DEAF1: variants seen among roughly 807,000 people sequenced by gnomAD.
DEAF1 encodes the protein deformed epidermal autoregulatory factor 1 homolog.
Under a neutral mutation model 58.9 loss-of-function variants are expected in DEAF1, and 53 were observed. The ratio of observed to expected loss-of-function variants is 0.90; its 90% CI spans 0.72 to 1.13. The LOEUF is 1.13. Among genes scored for constraint, DEAF1 ranks in the 50% most tolerant of loss-of-function variants. The pLI, the probability that DEAF1 is intolerant of heterozygous loss-of-function variation, is 0.00. For synonymous variants in DEAF1, 385 were observed against 340.4 expected, an observed-to-expected ratio of 1.13 and a Z score of -1.44; for missense variants, 685 against 791.4, an observed-to-expected ratio of 0.87 and a Z score of 1.61.
At chr11:651,865 G>A (rs1026406279) in intron 11 of DEAF1, among the ~76,000 whole-genome samples, 18 of 152,142 alleles carry the variant, frequency 1.2e-4, no homozygotes, top group African/African-American at 3.4e-4. Context: ...CAGCCTGGGC[G>A]ACAGAGCGAG....
intron 9 of DEAF1, among the ~76,000 whole-genome samples, chr11:676,033 CCCCCCAGCACCCGACAA>C (rs1860049858): frequency 3.6e-5 from 1 of 27,888 alleles, no homozygotes; most frequent in Non-Finnish European, 7.7e-5. Context: ...GCACCCGACA[CCCCCCAGCACCCGACAA>C]CCCCCAGCAT....
At chr11:690,960 C>G (rs181237550) in intron 2 of DEAF1, among the ~76,000 whole-genome samples, 112 of 152,312 alleles carry the variant, frequency 7.4e-4, no homozygotes, top group African/African-American at 2.6e-3. Flanking sequence ...GAAGGCCCCA[C>G]ACATAAAACA....
intron 11 of DEAF1, chr11:651,042 A>T (rs1858745164): frequency 6.5e-6 from 1 of 153,576 alleles, no homozygotes; most frequent in Non-Finnish European, 1.4e-5. Flanking sequence ...GGCTTACTGC[A>T]ACCTCCGCCT....
chr11:699,136 C>T (rs898816914), upstream of DEAF1: 4 of 496,826 alleles, frequency 8.1e-6, no homozygotes, highest in South Asian at 3.5e-5. Flanking sequence ...GCTCCCAAGG[C>T]GATGGCCACC....
intron 9 of DEAF1, among the ~76,000 whole-genome samples, chr11:675,486 G>A (rs901208801): frequency 3.3e-5 from 5 of 152,056 alleles, no homozygotes; most frequent in African/African-American, 4.8e-5. Flanking sequence ...CCATGACTGC[G>A]CCACCGTCCT....
At chr11:700,227 C>A (rs117149970) in intron 1 of DEAF1, 6 of 1,613,340 alleles carry the variant, frequency 3.7e-6, no homozygotes, top group Non-Finnish European at 5.1e-6. Flanking sequence ...CTGATGATCA[C>A]GTATAAAAGT....
At position 671,839 on chromosome 11, in the gene DEAF1, A is replaced by C. The variant is rs1210996717; in HGVS notation, c.1503+2697T>G. Among the ~76,000 whole-genome samples, 17 of 131,556 alleles carry C rather than the reference A, an allele frequency of 1.3e-4. No homozygotes were observed. The East Asian group carries it at 1.7e-3, about 13-fold the overall frequency. 86.3% of individuals were successfully genotyped at this position (131,556 alleles called of 152,430 possible). A position where few individuals can be genotyped will look rare whatever the true frequency, so the allele number is the denominator to read the frequency against. On this transcript the variant is annotated intron_variant, in intron 10 of 11. Transcript: ENST00000382409. ...GACCTTACCTCTTAAAAAAAAAAAA[A>C]AAAAAAAAAAGAAACACAAAAAACA...
rs1861582845 is a variant in DEAF1, at chr11:703,259, T to G, written c.-438+3313A>C. The stretch of plus-strand genomic sequence containing the variant: ...CAGGAAGGGCACTTTTCCTAGTGAC[T>G]GGCCATAGATGGTTTTGGATGGTTC... On this transcript the variant is annotated intron_variant, in intron 1 of 11. Coordinates refer to the DEAF1 transcript ENST00000683307. The G allele has an allele frequency of 6.2e-6, 9 of 1,450,746 alleles. No homozygotes were observed. In the South Asian group the frequency reaches 1.4e-4, roughly 22 times the overall value. The allele number at this position is 1,450,746 out of a possible 1,614,324, so 89.9% of individuals were successfully genotyped here.
chr11:669,155 G>A (rs1859694493), intron 10 of DEAF1, among the ~76,000 whole-genome samples: 1 of 142,000 alleles, frequency 7.0e-6, no homozygotes, highest in Admixed American at 7.4e-5. Flanking sequence ...TGTACAGACA[G>A]GGTCTCACAA....
upstream of DEAF1, chr11:699,945 T>C (rs1405687683): frequency 3.6e-6 from 2 of 563,260 alleles, no homozygotes; most frequent in Non-Finnish European, 6.4e-6. Context: ...CACAAAGGCC[T>C]TGTCAGCTCA....
intron 10 of DEAF1, among the ~76,000 whole-genome samples, chr11:669,088 C>A (rs28885499): frequency 6.7e-6 from 1 of 149,390 alleles, no homozygotes; most frequent in East Asian, 2.0e-4. Flanking sequence ...GCCTCCCAAA[C>A]TGCTGGGATT....
At chr11:667,665 T>C (rs7102376) in intron 10 of DEAF1, among the ~76,000 whole-genome samples, 37,258 of 151,762 alleles carry the variant, frequency 0.25, 7,396 homozygotes, top group African/African-American at 0.56. Flanking sequence ...AAAAATTAGC[T>C]GGGCATGGTG....
chr11:704,211 T>G, intron 1 of DEAF1: 3 of 972,378 alleles, frequency 3.1e-6, no homozygotes, highest in Non-Finnish European at 4.0e-6. Flanking sequence ...TGCCAGCTGG[T>G]CAGTTCCTGG....
chr11:679,577 G>T, intron 8 of DEAF1, 111 bp downstream of exon 8: 1 of 1,532,748 alleles, frequency 6.5e-7, no homozygotes, highest in Non-Finnish European at 8.9e-7. Flanking sequence ...CTGGTTCAAG[G>T]CCCCTCTCGA....
intron 11 of DEAF1, 34 bp downstream of exon 11, chr11:653,928 C>T (rs763963487): frequency 2.6e-5 from 41 of 1,597,096 alleles, no homozygotes; most frequent in Non-Finnish European, 3.3e-5. Flanking sequence ...AGGGAGGAGG[C>T]GGGGGCACTG....
At chr11:674,432 G>A (rs2133364443) in intron 10 of DEAF1, 104 bp downstream of exon 10, 6 of 1,498,752 alleles carry the variant, frequency 4.0e-6, no homozygotes, top group South Asian at 2.3e-5. Flanking sequence ...GGTGGGGCAG[G>A]GGCCTTGTGA....
chr11:659,300 G>A (rs1859208271), intron 10 of DEAF1, among the ~76,000 whole-genome samples: 1 of 152,130 alleles, frequency 6.6e-6, no homozygotes, highest in Non-Finnish European at 1.5e-5. Flanking sequence ...GGCTGAGGTG[G>A]GAGGATTGCT....
At chr11:673,531 A>G (rs1257706169) in intron 10 of DEAF1, among the ~76,000 whole-genome samples, 1 of 152,110 alleles carries the variant, frequency 6.6e-6, no homozygotes, top group Non-Finnish European at 1.5e-5. Context: ...CTGTTCCACA[A>G]ATAAAAATAA....
intron 10 of DEAF1, among the ~76,000 whole-genome samples, chr11:668,954 C>A (rs1411886125): frequency 6.6e-6 from 1 of 152,112 alleles, no homozygotes; most frequent in Non-Finnish European, 1.5e-5. Context: ...GCCTCCTGAG[C>A]AGCTGGGACT....
Sources: gnomAD v4.1 joint callset for allele counts (sites outside exome capture counted in the v4.1 genomes callset) on GRCh38, gnomAD v4.1.1 for gene constraint, MANE v1.5 for transcripts, NCBI Gene and HGNC (gene_info 2026-07-23, HGNC 2026-07-21) for gene names.